The following PLXNA4 variants were observed in gnomAD, a reference collection of about 807,000 sequenced individuals.
The protein encoded by PLXNA4 is plexin-A4.
PLXNA4 carries 44 observed loss-of-function variants against 191.8 expected under a neutral mutation model. The ratio of observed to expected loss-of-function variants is 0.23; its 90% CI spans 0.18 to 0.29. The LOEUF is 0.29. Among genes scored for constraint, PLXNA4 ranks in the 10% least tolerant of loss-of-function variants. The pLI is 1.00. For missense variants in PLXNA4, 1,800 were observed against 2,488.8 expected (o/e 0.72, Z 5.89); for synonymous variants, 1,082 against 1,009.5 (o/e 1.07, Z -1.36).
intron 24 of PLXNA4, among the ~76,000 whole-genome samples, chr7:132,160,470 T>TA: frequency 6.6e-6 from 1 of 152,160 alleles, no homozygotes; most frequent in Non-Finnish European, 1.5e-5. Flanking sequence ...GAACAAGGCT[T>TA]TTCTTCTCTT....
At chr7:132,363,538 T>G (rs139567817) in intron 3 of PLXNA4, among the ~76,000 whole-genome samples, 132 of 152,384 alleles carry the variant, frequency 8.7e-4, no homozygotes, top group African/African-American at 2.9e-3. Flanking sequence ...TTTTTAAGAC[T>G]GAATATTATT....
chr7:132,309,740 A>G (rs1801657332), intron 3 of PLXNA4, among the ~76,000 whole-genome samples: 1 of 152,146 alleles, frequency 6.6e-6, no homozygotes, highest in South Asian at 2.1e-4. Flanking sequence ...TGGAGGCCCA[A>G]AGAAAACAGA....
intron 1 of PLXNA4, among the ~76,000 whole-genome samples, chr7:132,525,646 T>C (rs1481264457): frequency 3.3e-5 from 5 of 152,204 alleles, no homozygotes; most frequent in Non-Finnish European, 7.3e-5. Context: ...AGGGAAGACC[T>C]AGAGAAAACT....
chr7:132,513,709 G>A (rs1367764429), intron 1 of PLXNA4, among the ~76,000 whole-genome samples: 1 of 107,560 alleles, frequency 9.3e-6, no homozygotes, highest in Non-Finnish European at 2.1e-5. Context: ...GTCACCATCT[G>A]TCACCCAGGC....
chr7:132,234,517 G>A (rs998465065), intron 5 of PLXNA4, among the ~76,000 whole-genome samples: 2 of 152,034 alleles, frequency 1.3e-5, no homozygotes, highest in Non-Finnish European at 2.9e-5. Flanking sequence ...GAGAGCTTGA[G>A]CAGACCACAG....
intron 14 of PLXNA4, among the ~76,000 whole-genome samples, chr7:132,189,030 A>AGAGAGAGAGAGAGAGAG (rs1797000678): frequency 1.6e-5 from 1 of 61,914 alleles, no homozygotes; most frequent in African/African-American, 6.2e-5. Flanking sequence ...GAGAGAGAGA[A>AGAGAGAGAGAGAGAGAG]AGAGAGAGAG....
chr7:132,380,403 C>T (rs1431805890), intron 3 of PLXNA4, among the ~76,000 whole-genome samples: 2 of 152,096 alleles, frequency 1.3e-5, no homozygotes, highest in East Asian at 3.9e-4. Context: ...CCTGCCTGGT[C>T]CCTGACATGG....
At chr7:132,183,953 A>T (rs1168756767) in intron 16 of PLXNA4, among the ~76,000 whole-genome samples, 1 of 152,230 alleles carries the variant, frequency 6.6e-6, no homozygotes, top group Admixed American at 6.5e-5. Flanking sequence ...GTGAGAAAGC[A>T]GCTATAGACA....
At chr7:132,167,147 G>C (rs1393418062) in intron 22 of PLXNA4, among the ~76,000 whole-genome samples, 1 of 152,164 alleles carries the variant, frequency 6.6e-6, no homozygotes, top group Admixed American at 6.6e-5. Context: ...AAGGCCAAAG[G>C]TATTGGAATA....
intron 3 of PLXNA4, among the ~76,000 whole-genome samples, chr7:132,432,579 G>A (rs925796893): frequency 6.6e-6 from 1 of 152,146 alleles, no homozygotes; most frequent in South Asian, 2.1e-4. Context: ...GAGAGAAGGG[G>A]AGGAGGTCTG....
intron 2 of PLXNA4, among the ~76,000 whole-genome samples, chr7:132,636,108 A>G (rs1333850689): frequency 2.0e-5 from 3 of 152,236 alleles, no homozygotes; most frequent in Non-Finnish European, 4.4e-5. Context: ...CTATCTTGCA[A>G]TAACAATGGA....
intron 3 of PLXNA4, among the ~76,000 whole-genome samples, chr7:132,392,561 C>T (rs544187533): frequency 6.6e-6 from 1 of 152,360 alleles, no homozygotes; most frequent in South Asian, 2.1e-4. Flanking sequence ...ATGCTCCAGG[C>T]AGGTAGCCGA....
At chr7:132,448,199 C>A (rs564512419) in intron 3 of PLXNA4, among the ~76,000 whole-genome samples, 139 of 152,280 alleles carry the variant, frequency 9.1e-4, no homozygotes, top group African/African-American at 3.2e-3. Context: ...TTTATGGAAG[C>A]TTCCATTTTG....
chr7:132,274,799 G>T (rs1410013364), intron 4 of PLXNA4, among the ~76,000 whole-genome samples: 4 of 141,940 alleles, frequency 2.8e-5, no homozygotes, highest in African/African-American at 8.0e-5. Flanking sequence ...TAAGAGACAG[G>T]GTCTCACTAT....
At chr7:132,558,545 G>A (rs184597365) in intron 1 of PLXNA4, among the ~76,000 whole-genome samples, 3 of 152,162 alleles carry the variant, frequency 2.0e-5, no homozygotes, top group Non-Finnish European at 4.4e-5. Flanking sequence ...TGCCAAGAAG[G>A]CTTCGGTCTT....
chr7:132,127,742 C>T lies in PLXNA4; in HGVS notation c.*2737G>A, dbSNP rs922631991. The T allele has an allele frequency of 1.3e-5, 2 of 152,146 alleles. No individual in the cohort carries two copies. The highest frequency in any genetic ancestry group is 4.8e-5 in the African/African-American group (2 of 41,416). 9.4% of individuals were successfully genotyped at this position (152,146 alleles called of 1,614,324 possible). Reference sequence around the variant, plus strand: ...AAGTCAAACCAGCCCCAAACCCCTCCCCCAGGAGAAATGGGGACAGCCAGA... The same window carrying T: ...AAGTCAAACCAGCCCCAAACCCCTCTCCCAGGAGAAATGGGGACAGCCAGA... On this transcript the variant is annotated 3_prime_UTR_variant, in exon 32 of 32. Transcript: ENST00000321063.
At chr7:132,511,293 A>G (rs1011059103) in intron 1 of PLXNA4, among the ~76,000 whole-genome samples, 9 of 152,194 alleles carry the variant, frequency 5.9e-5, no homozygotes, top group African/African-American at 4.8e-5. Context: ...TCTTATTCCT[A>G]TTTCAGGTGA....
intron 2 of PLXNA4, among the ~76,000 whole-genome samples, chr7:132,624,905 A>T (rs1242360918): frequency 1.3e-5 from 2 of 152,102 alleles, no homozygotes; most frequent in African/African-American, 4.8e-5. Context: ...AAGAGAACAA[A>T]CCACCCAAGT....
rs558730585 is a variant in PLXNA4 at position 132,132,955 on chromosome 7, C to T, written c.5589+94G>A. 24 of 1,516,848 alleles carry T rather than the reference C, an allele frequency of 1.6e-5. No homozygotes were observed. The East Asian group carries it at 4.8e-4, about 30-fold the overall frequency. 94.0% of individuals were successfully genotyped at this position (1,516,848 alleles called of 1,614,324 possible). On this transcript the variant is annotated intron_variant, in intron 31 of 31. Coordinates refer to ENST00000321063, the MANE Select transcript of PLXNA4 (RefSeq NM_020911.2). Reference sequence around the variant, plus strand: ...GTTCCCCCAGCAGAGGTGGATGTGTCTGTGGCGATGATCTCTTATACGGAG... The same window carrying T: ...GTTCCCCCAGCAGAGGTGGATGTGTTTGTGGCGATGATCTCTTATACGGAG...
Sources: allele counts gnomAD v4.1 joint callset (sites outside exome capture counted in the v4.1 genomes callset), GRCh38; gene constraint gnomAD v4.1.1; transcripts MANE v1.5; gene names NCBI Gene and HGNC (gene_info 2026-07-23, HGNC 2026-07-21).